Variants in LPP observed in about 807,000 individuals in gnomAD.
The protein encoded by LPP is LIM domain containing preferred translocation partner in lipoma.
Under a neutral mutation model 60.4 loss-of-function variants are expected in LPP, and 38 were observed. The observed-to-expected ratio is 0.63, with a 90% CI of 0.49 to 0.83. The LOEUF (loss-of-function observed/expected upper bound fraction) is 0.83, where lower values mean the gene tolerates loss of function less well. Among genes scored for constraint, LPP ranks in the 40% least tolerant of loss-of-function variants. The pLI, the probability that LPP is intolerant of heterozygous loss-of-function variation, is 0.00. For missense variants in LPP, 902 were observed against 783.6 expected (o/e 1.15, Z -1.80); for synonymous variants, 328 against 290.8 (o/e 1.13, Z -1.30).
intron 2 of LPP, among the ~76,000 whole-genome samples, chr3:188,232,902 G>A (rs1220214264): frequency 1.3e-5 from 2 of 152,026 alleles, no homozygotes; most frequent in South Asian, 2.1e-4. Flanking sequence ...GCAGCGTAAT[G>A]TCTATAAAGT....
At chr3:188,183,937 A>T (rs1339933428) in intron 1 of LPP, among the ~76,000 whole-genome samples, 1 of 152,144 alleles carries the variant, frequency 6.6e-6, no homozygotes, top group Non-Finnish European at 1.5e-5. Flanking sequence ...ATAGAGATAG[A>T]CTGAACTAGT....
intron 2 of LPP, among the ~76,000 whole-genome samples, chr3:188,318,906 G>T (rs13088010): frequency 2.7e-5 from 4 of 149,902 alleles, no homozygotes; most frequent in African/African-American, 9.8e-5. Flanking sequence ...CTACAGGCGC[G>T]CGCCACTACG....
chr3:188,353,548 T>C (rs956406690), intron 3 of LPP, among the ~76,000 whole-genome samples: 1 of 152,236 alleles, frequency 6.6e-6, no homozygotes, highest in East Asian at 1.9e-4. Context: ...GATGGAGATT[T>C]GATTTGCATT....
chr3:188,682,553 C>T (rs943187513), intron 7 of LPP, among the ~76,000 whole-genome samples: 6 of 152,164 alleles, frequency 3.9e-5, no homozygotes, highest in African/African-American at 1.4e-4. Flanking sequence ...GTTATGGTTA[C>T]CTTGGCAAGT....
intron 7 of LPP, among the ~76,000 whole-genome samples, chr3:188,696,680 A>G (rs1045285847): frequency 1.3e-5 from 2 of 152,228 alleles, no homozygotes; most frequent in African/African-American, 2.4e-5. Flanking sequence ...GCACTGGATC[A>G]TACAATTGGT....
At chr3:188,292,513 A>G (rs1194375652) in intron 2 of LPP, among the ~76,000 whole-genome samples, 1 of 152,204 alleles carries the variant, frequency 6.6e-6, no homozygotes, top group African/African-American at 2.4e-5. Context: ...GGGATGGAAT[A>G]TGCTCTTAAG....
chr3:188,422,913 TTGTGTGTGTGTG>T lies in LPP; in HGVS notation c.193+16634_193+16645del, dbSNP rs10689970. Among the ~76,000 whole-genome samples, 428 of 133,876 alleles carry T rather than the reference TTGTGTGTGTGTG, an allele frequency of 3.2e-3. 3 individuals carry two copies. The highest frequency in any genetic ancestry group is 0.017 in the East Asian group (76 of 4,566). The allele number at this position is 133,876 out of a possible 152,430, so 87.8% of individuals were successfully genotyped here. On this transcript the variant is annotated intron_variant, in intron 4 of 11. Transcript: ENST00000617246. ...CATATTTTTCTTTTTGGTGTCTTCTTTGTGTGTGTGTGTGTGTGTGTGTGTGTGTGTGTGTGT... is the reference window on the plus strand; with the variant it reads ...CATATTTTTCTTTTTGGTGTCTTCTTTGTGTGTGTGTGTGTGTGTGTGTGT...
At position 188,378,694 on chromosome 3, in the gene LPP, G is replaced by A. The variant is rs182018525; in HGVS notation, c.-9-27418G>A. ...GTGATGCCTCACCCTGCTTCGGCTC[G>A]TGCACGGTGCACTGCACCCACTCTG... On this transcript the variant is annotated intron_variant, in intron 3 of 11. Coordinates refer to ENST00000617246, the MANE Select transcript of LPP (RefSeq NM_001375462.1). Among the ~76,000 whole-genome samples the A allele has an allele frequency of 4.0e-3, 611 of 152,174 alleles. 10 individuals are homozygous for A. The highest frequency in any genetic ancestry group is 0.014 in the African/African-American group (591 of 41,506).
intron 9 of LPP, among the ~76,000 whole-genome samples, chr3:188,805,320 G>C (rs1410197891): frequency 6.6e-6 from 1 of 151,772 alleles, no homozygotes; most frequent in Non-Finnish European, 1.5e-5. Context: ...ATCTGGACCT[G>C]GAATTTTCTT....
At chr3:188,218,512 G>T (rs1157315738) in intron 1 of LPP, among the ~76,000 whole-genome samples, 2 of 152,166 alleles carry the variant, frequency 1.3e-5, no homozygotes, top group Non-Finnish European at 2.9e-5. Context: ...CATTTCTGAG[G>T]CTTTCTCATG....
At chr3:188,838,121 C>T (rs1224677018) in intron 9 of LPP, among the ~76,000 whole-genome samples, 1 of 152,128 alleles carries the variant, frequency 6.6e-6, no homozygotes, top group Non-Finnish European at 1.5e-5. Context: ...ATTTGTTTAG[C>T]ACTTCATGGC....
chr3:188,698,996 T>C (rs989694920), intron 7 of LPP, among the ~76,000 whole-genome samples: 18 of 152,204 alleles, frequency 1.2e-4, no homozygotes, highest in African/African-American at 4.3e-4. Context: ...ACATTCTGCT[T>C]CCAAGAAGAA....
chr3:188,700,463 G>C (rs891893543), intron 7 of LPP, among the ~76,000 whole-genome samples: 2 of 152,178 alleles, frequency 1.3e-5, no homozygotes, highest in African/African-American at 4.8e-5. Context: ...ATGCAAGATG[G>C]TGTGGTGTTT....
intron 1 of LPP, among the ~76,000 whole-genome samples, chr3:188,177,837 T>C (rs1282394441): frequency 6.6e-6 from 1 of 152,150 alleles, no homozygotes; most frequent in Non-Finnish European, 1.5e-5. Flanking sequence ...CCCTGAGGAC[T>C]CTGGGAGGTC....
At chr3:188,862,331 T>C (rs759340048) in intron 9 of LPP, among the ~76,000 whole-genome samples, 8 of 152,080 alleles carry the variant, frequency 5.3e-5, no homozygotes, top group Non-Finnish European at 1.2e-4. Flanking sequence ...ATCAAGTACA[T>C]TGTGTTCAGT....
At chr3:188,275,346 TAC>T (rs1229671514) in intron 2 of LPP, among the ~76,000 whole-genome samples, 1 of 152,200 alleles carries the variant, frequency 6.6e-6, no homozygotes, top group African/African-American at 2.4e-5. Context: ...TAAACTGTGT[TAC>T]CCACTTTATT....
intron 4 of LPP, among the ~76,000 whole-genome samples, chr3:188,484,130 A>G (rs1009039545): frequency 1.3e-5 from 2 of 152,196 alleles, no homozygotes; most frequent in African/African-American, 4.8e-5. Context: ...TGTTTCAGGA[A>G]AATTATATGA....
chr3:188,829,756 ACC>A (rs1756630523), intron 9 of LPP, among the ~76,000 whole-genome samples: 1 of 152,122 alleles, frequency 6.6e-6, no homozygotes, highest in African/African-American at 2.4e-5. Flanking sequence ...CTGAGTCCTC[ACC>A]CCAGCTTGGC....
chr3:188,336,544 T>TG (rs1181527008), intron 2 of LPP, among the ~76,000 whole-genome samples: 3 of 152,310 alleles, frequency 2.0e-5, no homozygotes, highest in African/African-American at 7.2e-5. Flanking sequence ...TCTTGACCCC[T>TG]GGATGTTGGG....
Sources: allele counts gnomAD v4.1 joint callset (sites outside exome capture counted in the v4.1 genomes callset), GRCh38; gene constraint gnomAD v4.1.1; transcripts MANE v1.5; gene names NCBI Gene and HGNC (gene_info 2026-07-23, HGNC 2026-07-21).